Variants in CLIC6 observed in about 807,000 individuals in gnomAD.
The protein encoded by CLIC6 is CLIC family member 6, also known as chloride intracellular channel protein 6.
Under a neutral mutation model 49.2 loss-of-function variants are expected in CLIC6, and 39 were observed. The ratio of observed to expected loss-of-function variants is 0.79; its 90% CI spans 0.61 to 1.04. The LOEUF is 1.04. CLIC6 is among the 50% of genes least tolerant of loss of function. CLIC6 has a pLI of 0.00. For missense variants in CLIC6, 988 were observed against 993.1 expected (o/e 0.99, Z 0.07); for synonymous variants, 446 against 433.4 (o/e 1.03, Z -0.36).
chr21:34,708,187 T>A, intron 3 of CLIC6, 118 bp downstream of exon 3: 2 of 1,204,714 alleles, frequency 1.7e-6, no homozygotes, highest in Non-Finnish European at 2.4e-6. Flanking sequence ...CGGTGCTCAC[T>A]TCCTTAATCA....
Position 34,708,702 on chromosome 21 carries a change from A to AC in CLIC6, c.1613_1614insC (p.Pro539SerfsTer11). The stretch of plus-strand genomic sequence containing the variant: ...CCTCCAATTTTGAACTTTTCAAGGT[A>AC]TCCCAAGCTGGGGACCCAACATCCC... On this transcript the variant is annotated frameshift_variant, in exon 4 of 6. Coordinates refer to ENST00000349499, the MANE Select transcript of CLIC6 (RefSeq NM_053277.3). LOFTEE classifies it high-confidence loss of function. The AC allele has an allele frequency of 6.2e-7, 1 of 1,612,484 alleles. No individual in the cohort carries two copies. Among genetic ancestry groups the AC allele is most frequent in the South Asian group, 1.1e-5 (1 of 91,044 alleles).
At chr21:34,690,534 G>T (rs1224453370) in intron 1 of CLIC6, among the ~76,000 whole-genome samples, 1 of 152,102 alleles carries the variant, frequency 6.6e-6, no homozygotes, top group East Asian at 1.9e-4. Flanking sequence ...GAGCTTATTT[G>T]GAAAATGCCA....
At chr21:34,692,993 G>A (rs571095013) in intron 1 of CLIC6, among the ~76,000 whole-genome samples, 4 of 152,156 alleles carry the variant, frequency 2.6e-5, no homozygotes, top group Non-Finnish European at 5.9e-5. Flanking sequence ...CCCACCCCTT[G>A]TTCTTTAATG....
chr21:34,718,174 ACT>A lies in CLIC6; in HGVS notation c.*1695_*1696del, dbSNP rs1211668596. 1 of 152,588 alleles carries A rather than the reference ACT, an allele frequency of 6.6e-6. No homozygotes were observed. The highest frequency in any genetic ancestry group is 2.4e-5 in the African/African-American group (1 of 41,430). 9.5% of individuals were successfully genotyped at this position (152,588 alleles called of 1,614,324 possible). A position where few individuals can be genotyped will look rare whatever the true frequency, so the allele number is the denominator to read the frequency against. ...TTAGACATTAAAATGATTGACATAAACTCTTTGTGCCTTGAAAATGAAACAAA... is the reference window on the plus strand; with the variant it reads ...TTAGACATTAAAATGATTGACATAAACTTTGTGCCTTGAAAATGAAACAAA... On this transcript the variant is annotated 3_prime_UTR_variant, in exon 6 of 6. Transcript: ENST00000349499.
intron 1 of CLIC6, 75 bp downstream of exon 1, chr21:34,670,837 G>A: frequency 1.4e-6 from 2 of 1,457,502 alleles, no homozygotes; most frequent in Non-Finnish European, 1.8e-6. Flanking sequence ...ATCCCAGAGG[G>A]ACGCGCAGGG....
At chr21:34,694,633 A>G (rs1008935264) in intron 1 of CLIC6, among the ~76,000 whole-genome samples, 7 of 152,102 alleles carry the variant, frequency 4.6e-5, no homozygotes, top group Admixed American at 1.3e-4. Context: ...CCATGATTGT[A>G]AGTTTCCTGA....
chr21:34,702,120 G>T (rs1259830603), intron 1 of CLIC6, among the ~76,000 whole-genome samples: 1 of 152,168 alleles, frequency 6.6e-6, no homozygotes, highest in Non-Finnish European at 1.5e-5. Context: ...TCAGGCCCCC[G>T]TCATTTTGTG....
chr21:34,669,415 G>T lies in CLIC6; in HGVS notation c.27G>T (p.Gly9=). 2 of 1,235,990 alleles carry T rather than the reference G, an allele frequency of 1.6e-6. No homozygotes were observed. Among genetic ancestry groups the T allele is most frequent in the Non-Finnish European group, 2.0e-6 (2 of 990,506 alleles). The allele number at this position is 1,235,990 out of a possible 1,614,324, so 76.6% of individuals were successfully genotyped here. Residue 9 remains glycine (G), a synonymous_variant, in exon 1 of 6, where the codon GGG becomes GGT. Transcript: ENST00000349499. ...TGGCCGAGGCCGCGGAGCCGGAGGGGGTTGCCCCGGGTCCCCAGGGGCCGC... is the reference window on the plus strand; with the variant it reads ...TGGCCGAGGCCGCGGAGCCGGAGGGTGTTGCCCCGGGTCCCCAGGGGCCGC... The part of the protein sequence containing the change: MAEAAEPE[G]VAPGPQGPPE...
In CLIC6 at chr21:34,670,350, G is replaced by A. The variant is rs1198153256; in HGVS notation, c.962G>A (p.Arg321His). 1.4e-6 allele frequency: 2 copies of A among 1,451,348 alleles called. No homozygotes were observed. The highest frequency in any genetic ancestry group is 5.6e-5 in the Admixed American group (2 of 35,920). 89.9% of individuals were successfully genotyped at this position (1,451,348 alleles called of 1,614,324 possible). ...GTCGCAGCCGGGGAGAGTGCGGGGC[G>A]CAGCCCCGGTGAGCTCGCCTGGGAC... Reference protein sequence around the residue: ...IEVAAGESAGRSPGELAWDAA... With the variant: ...IEVAAGESAGHSPGELAWDAA... The change falls in exon 1 of 6, where the codon CGC becomes CAC. Residue 321 changes from arginine (R) to histidine (H), a missense_variant. Physicochemically the swap from Arg to His is conservative, Grantham distance 29. Coordinates refer to ENST00000349499, the MANE Select transcript of CLIC6 (RefSeq NM_053277.3).
At chr21:34,685,411 T>C (rs1278020069) in intron 1 of CLIC6, among the ~76,000 whole-genome samples, 1 of 152,246 alleles carries the variant, frequency 6.6e-6, no homozygotes, top group African/African-American at 2.4e-5. Flanking sequence ...AAGGTGTTAT[T>C]GGTCTGGAGA....
At chr21:34,702,425 C>CCCG (rs1990207085) in intron 1 of CLIC6, among the ~76,000 whole-genome samples, 1 of 152,176 alleles carries the variant, frequency 6.6e-6, no homozygotes, top group African/African-American at 2.4e-5. Flanking sequence ...TTCACAAGCA[C>CCCG]CCGCCATTCC....
At chr21:34,679,421 G>A (rs567410955) in intron 1 of CLIC6, among the ~76,000 whole-genome samples, 2 of 152,256 alleles carry the variant, frequency 1.3e-5, no homozygotes, top group South Asian at 4.1e-4. Context: ...TGAGATTTGG[G>A]TGGAGACATA....
At chr21:34,675,699 C>T (rs566179468) in intron 1 of CLIC6, among the ~76,000 whole-genome samples, 94 of 152,238 alleles carry the variant, frequency 6.2e-4, no homozygotes, top group Admixed American at 3.0e-3. Flanking sequence ...ATACCCCTGC[C>T]ACACTCAGTG....
intron 1 of CLIC6, among the ~76,000 whole-genome samples, chr21:34,705,651 A>T (rs577975289): frequency 1.8e-4 from 28 of 152,300 alleles, no homozygotes; most frequent in Admixed American, 9.8e-4. Flanking sequence ...CTCTGAATTC[A>T]GTAATCTGGG....
chr21:34,705,598 G>A (rs567826863), intron 1 of CLIC6, among the ~76,000 whole-genome samples: 40 of 152,310 alleles, frequency 2.6e-4, no homozygotes, highest in African/African-American at 9.4e-4. Flanking sequence ...GTGGGGAGGG[G>A]AGAGTGGGAG....
Position 34,670,396 on chromosome 21 carries a change from C to G in CLIC6, c.1008C>G (p.Val336=), listed in dbSNP as rs756426921. 4.1e-6 allele frequency: 6 copies of G among 1,457,176 alleles called. No homozygotes were observed. Among genetic ancestry groups the G allele is most frequent in the Non-Finnish European group, 5.4e-6 (6 of 1,105,810 alleles). The allele number at this position is 1,457,176 out of a possible 1,614,324, so 90.3% of individuals were successfully genotyped here. The part of the protein sequence containing the change: ...LAWDAAEEAE[V]PGVKGSEEAA... ...GGGACGCAGCGGAGGAGGCGGAGGTCCCGGGGGTAAAGGGGTCCGAAGAAG... is the reference window on the plus strand; with the variant it reads ...GGGACGCAGCGGAGGAGGCGGAGGTGCCGGGGGTAAAGGGGTCCGAAGAAG... Residue 336 remains valine, a synonymous_variant, in exon 1 of 6, where the codon GTC becomes GTG. Transcript: ENST00000349499.
In CLIC6 at chr21:34,696,177, G is replaced by GA. The variant is rs573195034; in HGVS notation, c.1375-11102dup. On this transcript the variant is annotated intron_variant, in intron 1 of 5. Coordinates refer to ENST00000349499, the MANE Select transcript of CLIC6 (RefSeq NM_053277.3). ...GACAGAATATGCACACATGACTAGA[G>GA]ACCCCCCCCATCCCTGGCCTACCTG... Among the ~76,000 whole-genome samples the GA allele has an allele frequency of 2.1e-3, 315 of 149,784 alleles. 1 individual carries two copies. The highest frequency in any genetic ancestry group is 7.5e-3 in the African/African-American group (295 of 39,222).
intron 1 of CLIC6, among the ~76,000 whole-genome samples, chr21:34,692,911 T>A (rs142712311): frequency 4.6e-5 from 7 of 152,316 alleles, no homozygotes; most frequent in Middle Eastern, 3.4e-3. Context: ...TAATTAGAAT[T>A]TCTTTTTCTT....
rs1322637497 is a variant in CLIC6, at chr21:34,691,343, T to G, written c.1375-15937T>G. Among the ~76,000 whole-genome samples, 3 of 152,334 alleles carry G rather than the reference T, an allele frequency of 2.0e-5. No individual in the cohort carries two copies. The East Asian group carries it at 5.8e-4, about 29-fold the overall frequency. Reference sequence around the variant, plus strand: ...GTGATTTCCCTAAATGCCACACTTTTTTTTTGATTCTGACCCTGATTTCCC... The same window carrying G: ...GTGATTTCCCTAAATGCCACACTTTGTTTTTGATTCTGACCCTGATTTCCC... On this transcript the variant is annotated intron_variant, in intron 1 of 5. Coordinates refer to ENST00000349499, the MANE Select transcript of CLIC6 (RefSeq NM_053277.3).
Sources: gnomAD v4.1 joint callset for allele counts (sites outside exome capture counted in the v4.1 genomes callset) on GRCh38, gnomAD v4.1.1 for gene constraint, MANE v1.5 for transcripts, NCBI Gene and HGNC (gene_info 2026-07-23, HGNC 2026-07-21) for gene names.